The following MCF2L variants were observed in gnomAD, a reference collection of about 807,000 sequenced individuals.
The protein encoded by MCF2L is guanine nucleotide exchange factor DBS.
A neutral mutation model predicts 153.4 loss-of-function variants in MCF2L; 97 were observed. That is an observed-to-expected ratio of 0.63 (90% CI 0.54 to 0.75). The LOEUF is 0.75. Among genes scored for constraint, MCF2L ranks in the 30% least tolerant of loss-of-function variants. The pLI is 0.00. For missense variants in MCF2L, 1,347 were observed against 1,495.2 expected (o/e 0.90, Z 1.64); for synonymous variants, 659 against 632.2 (o/e 1.04, Z -0.64).
In MCF2L at chr13:113,031,227, CAGAG is replaced by C. The variant is rs1027017694; in HGVS notation, c.278+6473_278+6476del. Among the ~76,000 whole-genome samples the C allele has an allele frequency of 1.4e-4, 19 of 136,066 alleles. No homozygotes were observed. The highest frequency in any genetic ancestry group is 4.8e-4 in the African/African-American group (17 of 35,628). 89.3% of individuals were successfully genotyped at this position (136,066 alleles called of 152,430 possible). On this transcript the variant is annotated intron_variant, in intron 3 of 29. Coordinates refer to ENST00000535094, the MANE Select transcript of MCF2L (RefSeq NM_001112732.3). This position sits in a 1 kb window ranked among gnomAD's most constrained non-coding sequence, Gnocchi z 5.5. Reference sequence around the variant, plus strand: ...AGACAGAGACAGAGACAGAGAGAGACAGAGAGAAGAGACAGAGAGTGACAGAGAT... The same window carrying C: ...AGACAGAGACAGAGACAGAGAGAGACAGAAGAGACAGAGAGTGACAGAGAT...
chr13:113,095,329 G>A (rs1225138675), intron 27 of MCF2L: 18 of 1,173,930 alleles, frequency 1.5e-5, no homozygotes, highest in Non-Finnish European at 1.9e-5. Context: ...GCGTGGAAGG[G>A]TAGGGAGAGC....
chr13:113,052,572 C>G (rs1270167797), intron 4 of MCF2L: 1 of 166,686 alleles, frequency 6.0e-6, no homozygotes, highest in African/African-American at 2.4e-5. Flanking sequence ...GAGTGAAGGT[C>G]GGATCAGGAG....
At position 113,088,316 on chromosome 13, in the gene MCF2L, TG is replaced by T. The variant is rs1301473483; in HGVS notation, c.2689-7del. ...AGTACTCACCTCCTGGCGTTTCTTT[TG>T]GGGAAACAGGCGCCAACTCCTGAGA... On this transcript the variant is annotated splice_polypyrimidine_tract_variant and intron_variant, in intron 23 of 29. Transcript: ENST00000535094. 4 of 1,613,226 alleles carry T rather than the reference TG, an allele frequency of 2.5e-6. No individual in the cohort carries two copies.
In MCF2L at chr13:113,045,390, G is replaced by T. The variant is rs558193003; in HGVS notation, c.369+29G>T. 1.3e-6 allele frequency: 2 copies of T among 1,578,986 alleles called. No individual in the cohort carries two copies. The highest frequency in any genetic ancestry group is 1.1e-5 in the South Asian group (1 of 90,322). Reference sequence around the variant, plus strand: ...AGTGCCACCCGGGGCTCTGCCCTGCGCCCGGCCCCTCCCTGGGCTGCATGA... The same window carrying T: ...AGTGCCACCCGGGGCTCTGCCCTGCTCCCGGCCCCTCCCTGGGCTGCATGA... On this transcript the variant is annotated intron_variant, in intron 4 of 29. Coordinates refer to ENST00000535094, the MANE Select transcript of MCF2L (RefSeq NM_001112732.3). The surrounding 1 kb of genome is among the most constrained non-coding windows in gnomAD (Gnocchi z 4.2).
chr13:113,089,741 A>G lies in MCF2L; in HGVS notation c.2953+13A>G, dbSNP rs1435403572. 6.2e-7 allele frequency: 1 copy of G among 1,610,532 alleles called. No homozygotes were observed. Among genetic ancestry groups the G allele is most frequent in the South Asian group, 1.1e-5 (1 of 90,950 alleles). Reference sequence around the variant, plus strand: ...GAAAAGGGCAAAGGTGGGTATGTGCAGGGACCGGGCCTCACACGGAGGCCT... The same window carrying G: ...GAAAAGGGCAAAGGTGGGTATGTGCGGGGACCGGGCCTCACACGGAGGCCT... On this transcript the variant is annotated intron_variant, in intron 26 of 29. Coordinates refer to ENST00000535094, the MANE Select transcript of MCF2L (RefSeq NM_001112732.3).
chr13:112,919,433 C>T (rs1329228390), intron 2 of MCF2L, among the ~76,000 whole-genome samples: 1 of 151,928 alleles, frequency 6.6e-6, no homozygotes, highest in Non-Finnish European at 1.5e-5. Context: ...TCTCGATCTC[C>T]TGACCTCGTG....
intron 2 of MCF2L, among the ~76,000 whole-genome samples, chr13:113,015,316 A>G (rs1034090046): frequency 1.3e-5 from 2 of 152,216 alleles, no homozygotes; most frequent in African/African-American, 4.8e-5. Context: ...CTGTGTGGGT[A>G]CAGCAAGGGC....
intron 1 of MCF2L, among the ~76,000 whole-genome samples, chr13:112,976,731 G>A (rs947713774): frequency 6.6e-6 from 1 of 152,198 alleles, no homozygotes; most frequent in Admixed American, 6.5e-5. Context: ...GGGGCTGCTC[G>A]GTGAGTGGCC....
chr13:112,986,210 T>A (rs1039598352), intron 1 of MCF2L, among the ~76,000 whole-genome samples: 1 of 150,172 alleles, frequency 6.7e-6, no homozygotes, highest in East Asian at 1.9e-4. Flanking sequence ...ACACAGTCTC[T>A]GTGAGGATGG....
At chr13:112,922,395 A>T (rs1049305398) in intron 2 of MCF2L, among the ~76,000 whole-genome samples, 4 of 152,146 alleles carry the variant, frequency 2.6e-5, no homozygotes, top group African/African-American at 9.7e-5. Flanking sequence ...CTGTCCTTTA[A>T]TGTCACTTTA....
At chr13:113,057,839 A>AGTGTTTGGGCGCTGT (rs2030453701) in intron 4 of MCF2L, among the ~76,000 whole-genome samples, 1 of 111,764 alleles carries the variant, frequency 8.9e-6, no homozygotes, top group Non-Finnish European at 1.8e-5. Flanking sequence ...GTGGGCGCTG[A>AGTGTTTGGGCGCTGT]GTGTTTGGGC....
intron 4 of MCF2L, among the ~76,000 whole-genome samples, chr13:113,060,256 T>C (rs555710064): frequency 7.9e-5 from 12 of 152,324 alleles, no homozygotes; most frequent in African/African-American, 2.4e-4. Flanking sequence ...CCAGCCAAGG[T>C]CACGTTCGGA....
At chr13:112,971,991 A>G (rs1411426729) in intron 1 of MCF2L, among the ~76,000 whole-genome samples, 1 of 152,242 alleles carries the variant, frequency 6.6e-6, no homozygotes, top group African/African-American at 2.4e-5. Flanking sequence ...TTGTTAAAGC[A>G]CAGGCTGCTG....
chr13:113,086,046 A>G, intron 20 of MCF2L, 78 bp from the exon 21 acceptor site: 15 of 1,478,944 alleles, frequency 1.0e-5, no homozygotes, highest in Non-Finnish European at 1.4e-5. Context: ...ACCTCGTGCC[A>G]AGCTCCTGAG....
At chr13:112,921,353 A>G (rs1379874182) in intron 2 of MCF2L, among the ~76,000 whole-genome samples, 2 of 152,216 alleles carry the variant, frequency 1.3e-5, no homozygotes, top group African/African-American at 4.8e-5. Context: ...TTGAAGGATA[A>G]AGACGCCTCC....
intron 2 of MCF2L, among the ~76,000 whole-genome samples, chr13:112,955,071 G>A (rs776766761): frequency 5.9e-5 from 9 of 152,180 alleles, no homozygotes; most frequent in Non-Finnish European, 1.2e-4. Flanking sequence ...CAACATGGCC[G>A]GGACCCTGGT....
chr13:112,953,453 A>G (rs555105503), intron 2 of MCF2L, among the ~76,000 whole-genome samples: 32 of 152,284 alleles, frequency 2.1e-4, no homozygotes, highest in African/African-American at 7.5e-4. Flanking sequence ...TCCCCTCTCA[A>G]AAACAAGCTA....
At chr13:113,008,413 G>A (rs1289205828) in intron 1 of MCF2L, among the ~76,000 whole-genome samples, 3 of 152,214 alleles carry the variant, frequency 2.0e-5, no homozygotes, top group Admixed American at 2.0e-4. Context: ...TCTGCGGGCA[G>A]CTCAGAGCCT....
At chr13:113,085,301 C>A (rs1037684541) in intron 20 of MCF2L, 123 bp downstream of exon 20, 1 of 772,324 alleles carries the variant, frequency 1.3e-6, no homozygotes, top group Non-Finnish European at 2.2e-6. Flanking sequence ...CTCTTCCGAG[C>A]CTGTGCTGAG....
Sources: allele counts gnomAD v4.1 joint callset (sites outside exome capture counted in the v4.1 genomes callset), GRCh38; gene constraint gnomAD v4.1.1; non-coding constraint Gnocchi (gnomAD v3.1); transcripts MANE v1.5; gene names NCBI Gene and HGNC (gene_info 2026-07-23, HGNC 2026-07-21).